UTRN: variants seen among roughly 807,000 people sequenced by gnomAD.
UTRN encodes dystrophin-related protein 1.
In UTRN, 283 loss-of-function variants were observed where a neutral mutation model predicts 463.9. The observed-to-expected ratio is 0.61, with a 90% CI of 0.55 to 0.67. The LOEUF (loss-of-function observed/expected upper bound fraction) is 0.67, where lower values mean the gene tolerates loss of function less well. UTRN is among the 30% of genes least tolerant of loss of function. The probability of loss-of-function intolerance (pLI) is 0.00; values close to 1 mark genes in which losing one functional copy is unlikely to be tolerated. For synonymous variants in UTRN, 1,442 were observed against 1,431.5 expected (o/e 1.01, Z -0.17); for missense variants, 3,922 against 4,084.3 (o/e 0.96, Z 1.08).
chr6:144,427,789 G>C (rs1162465950), intron 7 of UTRN, among the ~76,000 whole-genome samples: 3 of 152,188 alleles, frequency 2.0e-5, no homozygotes, highest in Admixed American at 6.5e-5. Flanking sequence ...ACAAATACGT[G>C]TGGGGTGCCT....
intron 2 of UTRN, among the ~76,000 whole-genome samples, chr6:144,366,512 G>A (rs879825921): frequency 2.6e-5 from 4 of 152,076 alleles, no homozygotes; most frequent in Non-Finnish European, 4.4e-5. Flanking sequence ...TTGATTTTTC[G>A]TTCCTGTGTT....
intron 2 of UTRN, among the ~76,000 whole-genome samples, chr6:144,321,128 A>G (rs1775609898): frequency 6.6e-6 from 1 of 152,208 alleles, no homozygotes; most frequent in African/African-American, 2.4e-5. Flanking sequence ...ATGTATAAGA[A>G]GTATTGTAGT....
intron 2 of UTRN, among the ~76,000 whole-genome samples, chr6:144,395,877 TAAC>T (rs1478901952): frequency 1.3e-5 from 2 of 152,006 alleles, no homozygotes; most frequent in Non-Finnish European, 2.9e-5. Flanking sequence ...TAAAGGAAAA[TAAC>T]AAATATTAGT....
At chr6:144,694,560 A>G (rs918919463) in intron 52 of UTRN, among the ~76,000 whole-genome samples, 2 of 152,050 alleles carry the variant, frequency 1.3e-5, no homozygotes, top group African/African-American at 4.8e-5. Flanking sequence ...TACTGACTCA[A>G]TTTCAGAGCT....
Position 144,851,101 on chromosome 6 carries a change from C to G in UTRN, c.*104C>G, listed in dbSNP as rs1782454700. 6.8e-7 allele frequency: 1 copy of G among 1,472,816 alleles called. No homozygotes were observed. Among genetic ancestry groups the G allele is most frequent in the African/African-American group, 1.4e-5 (1 of 71,880 alleles). 91.2% of individuals were successfully genotyped at this position (1,472,816 alleles called of 1,614,324 possible). ...AATCAGAAGCTCCATGGCTCCTTGG[C>G]CCACGATGTTGAGTGCTGACTGTGT... is the stretch of plus-strand genomic sequence containing the variant. On this transcript the variant is annotated 3_prime_UTR_variant, in exon 75 of 75. Transcript: ENST00000367545.
intron 2 of UTRN, among the ~76,000 whole-genome samples, chr6:144,298,444 T>C (rs1217484517): frequency 1.3e-5 from 2 of 152,204 alleles, no homozygotes; most frequent in Non-Finnish European, 2.9e-5. Flanking sequence ...CGTTTATTAA[T>C]ATCCTGTGGG....
At chr6:144,577,068 T>C (rs909320173) in intron 50 of UTRN, 31 bp from the exon 51 acceptor site, 3 of 1,598,828 alleles carry the variant, frequency 1.9e-6, no homozygotes, top group African/African-American at 2.7e-5. Flanking sequence ...CTGTAAGTAA[T>C]GGAGCCGTGC....
rs765772303 is a variant in UTRN at position 144,542,782 on chromosome 6, C to G, written c.6520-13C>G. The G allele has an allele frequency of 3.1e-6, 5 of 1,612,072 alleles. No homozygotes were observed. In the African/African-American group the frequency reaches 4.0e-5, roughly 13 times the overall value. On this transcript the variant is annotated splice_polypyrimidine_tract_variant and intron_variant, in intron 45 of 74. Coordinates refer to ENST00000367545, the MANE Select transcript of UTRN (RefSeq NM_007124.3). ...GTAGTATTCTTCTCTTTCTGTTTGTCCTGATGCGGTAGATTTGCAGAGAGG... is the reference window on the plus strand; with the variant it reads ...GTAGTATTCTTCTCTTTCTGTTTGTGCTGATGCGGTAGATTTGCAGAGAGG...
chr6:144,654,161 G>A (rs1015114692), intron 51 of UTRN, among the ~76,000 whole-genome samples: 1 of 152,190 alleles, frequency 6.6e-6, no homozygotes, highest in Non-Finnish European at 1.5e-5. Flanking sequence ...TAGTGAAGAT[G>A]GATCATGATT....
chr6:144,391,503 A>G (rs928808572), intron 2 of UTRN, among the ~76,000 whole-genome samples: 3 of 152,130 alleles, frequency 2.0e-5, no homozygotes, highest in Non-Finnish European at 4.4e-5. Context: ...CTGTCTTCCT[A>G]TAAGGGTCAT....
At chr6:144,521,955 A>ATATT (rs1554278042) in intron 39 of UTRN, 25 bp from the exon 40 acceptor site, 47 of 942,846 alleles carry the variant, frequency 5.0e-5, no homozygotes, top group African/African-American at 3.6e-4. Flanking sequence ...ATATATATAT[A>ATATT]TTTTTTTTTT....
intron 69 of UTRN, among the ~76,000 whole-genome samples, chr6:144,834,038 G>A (rs544110623): frequency 3.6e-4 from 55 of 152,292 alleles, no homozygotes; most frequent in African/African-American, 1.3e-3. Context: ...GGTTCTTGCA[G>A]AGGTTCCTTC....
intron 4 of UTRN, 119 bp downstream of exon 4, chr6:144,422,089 C>A: frequency 1.3e-6 from 1 of 762,326 alleles, no homozygotes; most frequent in Non-Finnish European, 2.0e-6. Flanking sequence ...AATGTAAAGG[C>A]TGAAATTCGG....
At chr6:144,447,141 T>A in intron 14 of UTRN, 70 bp from the exon 15 acceptor site, 1 of 1,416,042 alleles carries the variant, frequency 7.1e-7, no homozygotes, top group Non-Finnish European at 9.7e-7. Flanking sequence ...GTTAGAAATT[T>A]GGATGCATGA....
At chr6:144,430,037 G>A (rs1287700742) in intron 9 of UTRN, among the ~76,000 whole-genome samples, 1 of 152,064 alleles carries the variant, frequency 6.6e-6, no homozygotes, top group Non-Finnish European at 1.5e-5. Flanking sequence ...ACATCATCTG[G>A]TTGCCAGCTT....
intron 2 of UTRN, among the ~76,000 whole-genome samples, chr6:144,306,101 A>G (rs1243723033): frequency 1.3e-5 from 2 of 152,162 alleles, no homozygotes; most frequent in African/African-American, 4.8e-5. Context: ...CTGTAATATC[A>G]GGTTACATAC....
chr6:144,829,384 C>T (rs1780464868), intron 69 of UTRN, among the ~76,000 whole-genome samples: 1 of 152,032 alleles, frequency 6.6e-6, no homozygotes, highest in South Asian at 2.1e-4. Flanking sequence ...CTTTAGAATA[C>T]TAAAAAGATA....
chr6:144,621,684 G>A (rs927013922), intron 51 of UTRN, among the ~76,000 whole-genome samples: 5 of 152,126 alleles, frequency 3.3e-5, no homozygotes, highest in African/African-American at 9.7e-5. Context: ...GATTCTCATC[G>A]TGTTCACAAG....
chr6:144,375,892 C>T (rs568202824), intron 2 of UTRN, among the ~76,000 whole-genome samples: 18 of 152,324 alleles, frequency 1.2e-4, no homozygotes, highest in Non-Finnish European at 1.3e-4. Context: ...TCAATCAGCA[C>T]GTTCTGCCTG....
Sources: allele counts gnomAD v4.1 joint callset (sites outside exome capture counted in the v4.1 genomes callset), GRCh38; gene constraint gnomAD v4.1.1; transcripts MANE v1.5; gene names NCBI Gene and HGNC (gene_info 2026-07-23, HGNC 2026-07-21).